Variants in SCFD2 observed in about 807,000 individuals in gnomAD.
SCFD2 encodes sec1 family domain containing 2, also known as sec1 family domain-containing protein 2.
In SCFD2, 54 loss-of-function variants were observed where a neutral mutation model predicts 58.9. That is an observed-to-expected ratio of 0.92 (90% CI 0.74 to 1.15). The LOEUF (loss-of-function observed/expected upper bound fraction) is 1.15, where lower values mean the gene tolerates loss of function less well. SCFD2 is among the 50% of genes most tolerant of loss of function. SCFD2 has a pLI of 0.00. For missense variants in SCFD2, 805 were observed against 836.6 expected, an observed-to-expected ratio of 0.96 and a Z score of 0.47; for synonymous variants, 321 against 335.9, an observed-to-expected ratio of 0.96 and a Z score of 0.49.
chr4:53,286,404 A>G (rs1577931780), intron 3 of SCFD2, among the ~76,000 whole-genome samples: 1 of 152,206 alleles, frequency 6.6e-6, no homozygotes, highest in East Asian at 1.9e-4. Context: ...CTAACCCCCA[A>G]GGACCTGAAT....
chr4:52,938,677 T>G (rs966469780), intron 5 of SCFD2, among the ~76,000 whole-genome samples: 4 of 152,324 alleles, frequency 2.6e-5, no homozygotes, highest in Middle Eastern at 6.8e-3. Context: ...TTAAAATAAT[T>G]TTTTATTCTC....
intron 4 of SCFD2, among the ~76,000 whole-genome samples, chr4:53,202,030 T>G (rs933964248): frequency 2.0e-5 from 3 of 152,198 alleles, no homozygotes; most frequent in African/African-American, 4.8e-5. Context: ...TTTAGTTTAA[T>G]TAGATCCCAT....
At chr4:53,217,720 G>A (rs940275878) in intron 4 of SCFD2, among the ~76,000 whole-genome samples, 2 of 152,160 alleles carry the variant, frequency 1.3e-5, no homozygotes, top group African/African-American at 2.4e-5. Context: ...CTTAGTTGAT[G>A]CAGTTTCTTC....
intron 5 of SCFD2, among the ~76,000 whole-genome samples, chr4:53,104,168 G>T (rs939711096): frequency 2.6e-5 from 4 of 152,114 alleles, no homozygotes; most frequent in Non-Finnish European, 5.9e-5. Context: ...AGCAGGAGTA[G>T]TGGGGGAAGA....
intron 4 of SCFD2, among the ~76,000 whole-genome samples, chr4:53,267,610 T>A (rs1361159384): frequency 1.3e-5 from 2 of 152,122 alleles, no homozygotes; most frequent in African/African-American, 4.8e-5. Context: ...GGCAAAGGGG[T>A]CTCTCTGTGT....
At chr4:53,002,846 A>T (rs1373604355) in intron 5 of SCFD2, among the ~76,000 whole-genome samples, 3 of 152,208 alleles carry the variant, frequency 2.0e-5, no homozygotes, top group African/African-American at 7.2e-5. Flanking sequence ...TACAGGAAGC[A>T]TGGTGGAATC....
chr4:53,185,703 TATTTAA>T (rs1466852328), intron 4 of SCFD2, among the ~76,000 whole-genome samples: 1 of 152,170 alleles, frequency 6.6e-6, no homozygotes, highest in Admixed American at 6.6e-5. Context: ...TGTTTGAAGA[TATTTAA>T]ATTTAACTGT....
In SCFD2 at chr4:52,873,583, C is replaced by A. The variant is rs752116797; in HGVS notation, c.*386G>T. 1 of 162,136 alleles carries A rather than the reference C, an allele frequency of 6.2e-6. No homozygotes were observed. Among genetic ancestry groups the A allele is most frequent in the Non-Finnish European group, 1.3e-5 (1 of 74,656 alleles). 10.0% of individuals were successfully genotyped at this position (162,136 alleles called of 1,614,324 possible). A position where few individuals can be genotyped will look rare whatever the true frequency, so the allele number is the denominator to read the frequency against. ...ACTCATAATTCTAAAGCATGTCTAA[C>A]TTCTCGAGCAACTTCAAATAAAAAG... On this transcript the variant is annotated 3_prime_UTR_variant, in exon 9 of 9. Coordinates refer to ENST00000401642, the MANE Select transcript of SCFD2 (RefSeq NM_152540.4).
intron 3 of SCFD2, among the ~76,000 whole-genome samples, chr4:53,304,513 G>A (rs1732450908): frequency 6.6e-6 from 1 of 151,728 alleles, no homozygotes; most frequent in Non-Finnish European, 1.5e-5. Flanking sequence ...TTTCTTGGAG[G>A]CTTTGTTTCT....
intron 4 of SCFD2, among the ~76,000 whole-genome samples, chr4:53,249,403 C>A (rs1339776095): frequency 6.6e-6 from 1 of 152,184 alleles, no homozygotes; most frequent in African/African-American, 2.4e-5. Context: ...TCCAGGAGAA[C>A]TTCCCCAATC....
chr4:53,094,359 T>C (rs1560332528), intron 5 of SCFD2, among the ~76,000 whole-genome samples: 1 of 152,152 alleles, frequency 6.6e-6, no homozygotes, highest in African/African-American at 2.4e-5. Flanking sequence ...GGGTTGTTTT[T>C]CTAAGTCTCT....
chr4:52,919,640 C>T (rs1026585633), intron 6 of SCFD2, among the ~76,000 whole-genome samples: 1 of 152,220 alleles, frequency 6.6e-6, no homozygotes, highest in Non-Finnish European at 1.5e-5. Flanking sequence ...CTGCCCCTGG[C>T]CATCTGCATG....
chr4:53,363,879 A>G (rs1030986313), intron 1 of SCFD2, among the ~76,000 whole-genome samples: 1 of 151,634 alleles, frequency 6.6e-6, no homozygotes, highest in Non-Finnish European at 1.5e-5. Context: ...AGCTGTTACT[A>G]TGATGCTGGA....
intron 5 of SCFD2, among the ~76,000 whole-genome samples, chr4:53,038,516 C>T (rs376091449): frequency 1.4e-4 from 22 of 152,220 alleles, no homozygotes; most frequent in South Asian, 8.3e-4. Flanking sequence ...AAACAGTTTG[C>T]TTTTAATTAA....
intron 5 of SCFD2, among the ~76,000 whole-genome samples, chr4:52,977,188 G>A (rs1721275605): frequency 6.6e-6 from 1 of 152,110 alleles, no homozygotes; most frequent in Non-Finnish European, 1.5e-5. Context: ...ATATTAAGAA[G>A]TTGTACATAA....
intron 4 of SCFD2, among the ~76,000 whole-genome samples, chr4:53,182,744 A>T (rs1256783277): frequency 6.6e-6 from 1 of 152,162 alleles, no homozygotes; most frequent in Non-Finnish European, 1.5e-5. Flanking sequence ...AAATTTTTGC[A>T]ACCTACTCAT....
chr4:53,228,472 T>C (rs530063116), intron 4 of SCFD2, among the ~76,000 whole-genome samples: 1 of 152,312 alleles, frequency 6.6e-6, no homozygotes, highest in East Asian at 1.9e-4. Context: ...TAACATTACC[T>C]CTTTTATGAG....
intron 5 of SCFD2, among the ~76,000 whole-genome samples, chr4:53,103,431 C>T (rs1724886779): frequency 6.6e-6 from 1 of 151,934 alleles, no homozygotes; most frequent in South Asian, 2.1e-4. Flanking sequence ...GAATGCTCCA[C>T]CTGGTAATGG....
chr4:52,999,423 G>A (rs1293250388), intron 5 of SCFD2, among the ~76,000 whole-genome samples: 2 of 152,214 alleles, frequency 1.3e-5, no homozygotes, highest in African/African-American at 4.8e-5. Flanking sequence ...ATGGTTGGGG[G>A]CAGGAAGGAG....
Sources: gnomAD v4.1 joint callset for allele counts (sites outside exome capture counted in the v4.1 genomes callset) on GRCh38, gnomAD v4.1.1 for gene constraint, MANE v1.5 for transcripts, NCBI Gene and HGNC (gene_info 2026-07-23, HGNC 2026-07-21) for gene names.